Variants in ASIC2 observed in about 807,000 individuals in gnomAD.
ASIC2 encodes the protein acid sensing ion channel subunit 2.
In ASIC2, 25 loss-of-function variants were observed where a neutral mutation model predicts 57.3. That is an observed-to-expected ratio of 0.44 (90% confidence interval 0.32 to 0.61). ASIC2 has a LOEUF of 0.61. Ranked by LOEUF, ASIC2 falls within the 20% of genes least tolerant of loss-of-function variation. ASIC2 has a pLI of 0.06. For missense variants in ASIC2, 641 were observed against 738.1 expected, an observed-to-expected ratio of 0.87 and a Z score of 1.52; for synonymous variants, 319 against 307.5, an observed-to-expected ratio of 1.04 and a Z score of -0.39.
intron 1 of ASIC2, among the ~76,000 whole-genome samples, chr17:33,926,833 A>T (rs950353867): frequency 4.5e-4 from 68 of 152,262 alleles, no homozygotes; most frequent in Admixed American, 2.2e-3. Flanking sequence ...GTGTGCCTGC[A>T]TTTTGTTGTG....
At chr17:33,623,199 A>G (rs1034979404) in intron 1 of ASIC2, among the ~76,000 whole-genome samples, 3 of 150,698 alleles carry the variant, frequency 2.0e-5, no homozygotes, top group African/African-American at 7.3e-5. Context: ...TGTAATTCCA[A>G]CTCTATCTGC....
At chr17:33,185,881 A>G (rs1386631958) in intron 1 of ASIC2, among the ~76,000 whole-genome samples, 2 of 152,152 alleles carry the variant, frequency 1.3e-5, no homozygotes, top group Non-Finnish European at 2.9e-5. Flanking sequence ...CTCAGAGGGT[A>G]TTGCTTCAGA....
intron 1 of ASIC2, among the ~76,000 whole-genome samples, chr17:33,433,208 T>C (rs1271740682): frequency 6.6e-6 from 1 of 152,174 alleles, no homozygotes; most frequent in Non-Finnish European, 1.5e-5. Flanking sequence ...TACCATGGAA[T>C]ATTATGTAGC....
At chr17:33,136,064 C>A (rs2092365790) in intron 1 of ASIC2, among the ~76,000 whole-genome samples, 1 of 152,196 alleles carries the variant, frequency 6.6e-6, no homozygotes, top group East Asian at 1.9e-4. Flanking sequence ...ATGTTCATGT[C>A]CTGACCTTGG....
chr17:33,500,433 G>T (rs1914066220), intron 1 of ASIC2, among the ~76,000 whole-genome samples: 1 of 152,222 alleles, frequency 6.6e-6, no homozygotes, highest in African/African-American at 2.4e-5. Flanking sequence ...CCCATGGAAT[G>T]GCTCCTCCTT....
chr17:33,753,089 T>G (rs927000909), intron 1 of ASIC2, among the ~76,000 whole-genome samples: 1 of 152,228 alleles, frequency 6.6e-6, no homozygotes, highest in African/African-American at 2.4e-5. Context: ...ATGAATACAC[T>G]GTGGTACATC....
intron 1 of ASIC2, among the ~76,000 whole-genome samples, chr17:34,046,242 T>C (rs1330531510): frequency 2.6e-5 from 4 of 152,254 alleles, no homozygotes; most frequent in East Asian, 3.9e-4. Flanking sequence ...AGCAAATAAA[T>C]AGTTGTTATG....
chr17:33,420,113 C>A (rs1422171494), intron 1 of ASIC2, among the ~76,000 whole-genome samples: 2 of 152,184 alleles, frequency 1.3e-5, no homozygotes, highest in African/African-American at 4.8e-5. Context: ...ATATTTCCAA[C>A]AAAAGTAGTT....
At chr17:33,310,149 C>T (rs1164953018) in intron 1 of ASIC2, among the ~76,000 whole-genome samples, 1 of 151,482 alleles carries the variant, frequency 6.6e-6, no homozygotes, top group Non-Finnish European at 1.5e-5. Context: ...TCTATGCTAC[C>T]TCTTAATCCC....
chr17:33,819,149 T>C (rs751476142), intron 1 of ASIC2, among the ~76,000 whole-genome samples: 11 of 152,242 alleles, frequency 7.2e-5, no homozygotes, highest in Non-Finnish European at 1.2e-4. Flanking sequence ...AGCTGGTAAG[T>C]ATGCCTCTCA....
At chr17:33,557,188 T>C (rs1268827335) in intron 1 of ASIC2, among the ~76,000 whole-genome samples, 2 of 152,174 alleles carry the variant, frequency 1.3e-5, no homozygotes, top group East Asian at 3.9e-4. Flanking sequence ...TTTTCCTTTT[T>C]GGTCTCCATT....
intron 1 of ASIC2, among the ~76,000 whole-genome samples, chr17:33,911,335 C>G (rs1915457871): frequency 6.6e-6 from 1 of 152,162 alleles, no homozygotes; most frequent in African/African-American, 2.4e-5. Context: ...CCATCATGTC[C>G]AAGCTCAGGA....
intron 1 of ASIC2, among the ~76,000 whole-genome samples, chr17:33,962,160 T>G (rs1186868452): frequency 6.6e-6 from 1 of 152,094 alleles, no homozygotes; most frequent in Non-Finnish European, 1.5e-5. Context: ...ATTCTACCAT[T>G]TGCTAGTGAA....
chr17:33,837,784 T>C (rs1235435296), intron 1 of ASIC2, among the ~76,000 whole-genome samples: 1 of 152,194 alleles, frequency 6.6e-6, no homozygotes, highest in Non-Finnish European at 1.5e-5. Flanking sequence ...ACTTCTGGCC[T>C]CCTCCATATT....
At chr17:33,687,790 C>T (rs1334316014) in intron 1 of ASIC2, among the ~76,000 whole-genome samples, 1 of 152,172 alleles carries the variant, frequency 6.6e-6, no homozygotes, top group African/African-American at 2.4e-5. Context: ...CTCTAATGAC[C>T]TGGAGAGCAG....
At chr17:34,117,429 C>A (rs1474070638) in intron 1 of ASIC2, among the ~76,000 whole-genome samples, 1 of 152,072 alleles carries the variant, frequency 6.6e-6, no homozygotes, top group Non-Finnish European at 1.5e-5. Flanking sequence ...AATGGAAGAA[C>A]AACATTTGAA....
intron 1 of ASIC2, among the ~76,000 whole-genome samples, chr17:33,895,991 T>C (rs891627951): frequency 6.6e-6 from 1 of 150,946 alleles, no homozygotes; most frequent in African/African-American, 2.4e-5. Context: ...AGGGTAATTA[T>C]GACGATTAAA....
intron 1 of ASIC2, among the ~76,000 whole-genome samples, chr17:33,777,981 A>G (rs780812077): frequency 1.1e-4 from 17 of 152,188 alleles, no homozygotes; most frequent in Non-Finnish European, 1.8e-4. Flanking sequence ...CTGTGTGTCA[A>G]TGTGGCCCTT....
intron 1 of ASIC2, among the ~76,000 whole-genome samples, chr17:33,879,435 A>C (rs1390671657): frequency 6.6e-6 from 1 of 152,206 alleles, no homozygotes; most frequent in African/African-American, 2.4e-5. Flanking sequence ...AATGGAAAAC[A>C]AAAGGCAGGT....
Sources: allele counts gnomAD v4.1 joint callset (sites outside exome capture counted in the v4.1 genomes callset), GRCh38; gene constraint gnomAD v4.1.1; transcripts MANE v1.5; gene names NCBI Gene and HGNC (gene_info 2026-07-23, HGNC 2026-07-21).